The following KIAA0825 variants were observed in gnomAD, a reference collection of about 807,000 sequenced individuals.
KIAA0825 encodes the protein KIAA0825.
Under a neutral mutation model 147.6 loss-of-function variants are expected in KIAA0825, and 119 were observed. The ratio of observed to expected loss-of-function variants is 0.81; its 90% CI spans 0.69 to 0.94. KIAA0825 has a LOEUF of 0.94. Ranked by LOEUF, KIAA0825 falls within the 40% of genes least tolerant of loss-of-function variation. The pLI, the probability that KIAA0825 is intolerant of heterozygous loss-of-function variation, is 0.00. For missense variants in KIAA0825, 1,381 were observed against 1,472.7 expected (o/e 0.94, Z 1.02); for synonymous variants, 470 against 518.1 (o/e 0.91, Z 1.26).
At chr5:94,230,761 C>A (rs1433816713) in intron 20 of KIAA0825, among the ~76,000 whole-genome samples, 1 of 152,088 alleles carries the variant, frequency 6.6e-6, no homozygotes, top group African/African-American at 2.4e-5. Context: ...CCATGTAAAC[C>A]TACTGAGCTC....
intron 1 of KIAA0825, among the ~76,000 whole-genome samples, chr5:94,606,001 T>C (rs927038912): frequency 6.6e-6 from 1 of 152,198 alleles, no homozygotes; most frequent in African/African-American, 2.4e-5. Context: ...TGATTCTATA[T>C]CTAGAAAACC....
At chr5:94,499,783 T>C (rs1366368808) in intron 5 of KIAA0825, among the ~76,000 whole-genome samples, 1 of 152,218 alleles carries the variant, frequency 6.6e-6, no homozygotes, top group Non-Finnish European at 1.5e-5. Flanking sequence ...TCCTGTCATA[T>C]ATTAGGCAGT....
At chr5:94,493,940 A>G (rs1227661526) in intron 5 of KIAA0825, among the ~76,000 whole-genome samples, 2 of 152,142 alleles carry the variant, frequency 1.3e-5, no homozygotes, top group African/African-American at 4.8e-5. Context: ...CAACCCACTG[A>G]AAGGCCCCAC....
At chr5:94,279,961 G>A (rs908749359) in intron 20 of KIAA0825, among the ~76,000 whole-genome samples, 6 of 152,046 alleles carry the variant, frequency 3.9e-5, no homozygotes, top group African/African-American at 1.2e-4. Context: ...GTTTCAGGCC[G>A]AAAGGACAGC....
Position 94,332,735 on chromosome 5 carries a change from G to A in KIAA0825, c.3710+51633C>T, listed in dbSNP as rs367816396. Among the ~76,000 whole-genome samples the A allele has an allele frequency of 2.0e-5, 3 of 152,192 alleles. No homozygotes were observed. In the East Asian group the frequency reaches 5.8e-4, roughly 29 times the overall value. On this transcript the variant is annotated intron_variant, in intron 20 of 20. Coordinates refer to ENST00000682413, the MANE Select transcript of KIAA0825 (RefSeq NM_001145678.3). ...ATTAGAATGATTTATAATCCTTTGG[G>A]TATATACTCAGTAATGGGATTGCTG...
At chr5:94,537,444 G>C (rs1161780177) in intron 2 of KIAA0825, among the ~76,000 whole-genome samples, 1 of 152,068 alleles carries the variant, frequency 6.6e-6, no homozygotes. Context: ...GAGGTCAGGA[G>C]ATTGAGACCA....
At chr5:94,231,272 C>T (rs1280281015) in intron 20 of KIAA0825, among the ~76,000 whole-genome samples, 1 of 152,058 alleles carries the variant, frequency 6.6e-6, no homozygotes, top group African/African-American at 2.4e-5. Context: ...TCCATATGGG[C>T]TCATTTCTCA....
At chr5:94,590,607 AG>A (rs1240492276) in intron 1 of KIAA0825, among the ~76,000 whole-genome samples, 1 of 152,216 alleles carries the variant, frequency 6.6e-6, no homozygotes, top group Non-Finnish European at 1.5e-5. Flanking sequence ...TGAAATCACA[AG>A]GTTTCTTGTA....
At chr5:94,298,511 C>T (rs971492143) in intron 20 of KIAA0825, among the ~76,000 whole-genome samples, 5 of 152,184 alleles carry the variant, frequency 3.3e-5, no homozygotes, top group Non-Finnish European at 7.4e-5. Context: ...TTGTGTGGGA[C>T]GTAAGCACTC....
chr5:94,306,955 A>C (rs1008089219), intron 20 of KIAA0825, among the ~76,000 whole-genome samples: 4 of 152,000 alleles, frequency 2.6e-5, no homozygotes, highest in Admixed American at 6.6e-5. Context: ...GAATAGGTAC[A>C]TGATGCGTAG....
At chr5:94,272,230 G>C (rs1232590518) in intron 20 of KIAA0825, among the ~76,000 whole-genome samples, 1 of 151,608 alleles carries the variant, frequency 6.6e-6, no homozygotes. Context: ...GATGGTTAAT[G>C]GGCACAAAAA....
chr5:94,218,117 C>A (rs554248426), intron 20 of KIAA0825, among the ~76,000 whole-genome samples: 1 of 152,186 alleles, frequency 6.6e-6, no homozygotes, highest in South Asian at 2.1e-4. Flanking sequence ...TGTGGGCTTA[C>A]CATGAAAGCC....
chr5:94,391,515 T>C lies in KIAA0825; in HGVS notation c.3456+20A>G, dbSNP rs747020377. ...GGCCAGTACACACCTAATTGCTCGA[T>C]AAAAAGGCCGTTTCCCTACCTCATT... On this transcript the variant is annotated intron_variant, in intron 18 of 20. Coordinates refer to ENST00000682413, the MANE Select transcript of KIAA0825 (RefSeq NM_001145678.3). 33 of 1,551,284 alleles carry C rather than the reference T, an allele frequency of 2.1e-5. No individual in the cohort carries two copies. The highest frequency in any genetic ancestry group is 1.3e-4 in the South Asian group (11 of 84,024).
rs141021788 is a variant in KIAA0825 at position 94,467,532 on chromosome 5, A to T, written c.1872+2429T>A. Among the ~76,000 whole-genome samples the T allele has an allele frequency of 5.9e-5, 9 of 152,310 alleles. No individual in the cohort carries two copies. In the East Asian group the frequency reaches 1.7e-3, roughly 29 times the overall value. ...AACCATCCTAAAAGCTTAATTTTAA[A>T]CATGTAATCTGAACACCCACTGTGC... On this transcript the variant is annotated intron_variant, in intron 10 of 20. Coordinates refer to ENST00000682413, the MANE Select transcript of KIAA0825 (RefSeq NM_001145678.3).
intron 20 of KIAA0825, among the ~76,000 whole-genome samples, chr5:94,366,739 C>T (rs926207356): frequency 6.6e-6 from 1 of 152,180 alleles, no homozygotes; most frequent in African/African-American, 2.4e-5. Context: ...AAGAAAATAG[C>T]ACTTGGACAT....
At chr5:94,199,114 A>C (rs1344556881) in intron 20 of KIAA0825, among the ~76,000 whole-genome samples, 1 of 151,702 alleles carries the variant, frequency 6.6e-6, no homozygotes, top group Non-Finnish European at 1.5e-5. Flanking sequence ...GTAAGAAGAC[A>C]CTCTCGCTTT....
intron 14 of KIAA0825, among the ~76,000 whole-genome samples, chr5:94,420,501 T>C (rs1427333270): frequency 6.6e-6 from 1 of 152,176 alleles, no homozygotes; most frequent in Non-Finnish European, 1.5e-5. Context: ...TGGTAATGTA[T>C]TGCCTTAATG....
intron 20 of KIAA0825, among the ~76,000 whole-genome samples, chr5:94,218,273 C>G (rs1773376757): frequency 6.6e-6 from 1 of 152,106 alleles, no homozygotes; most frequent in African/African-American, 2.4e-5. Context: ...ACCTTTTTCT[C>G]ATGCTTTTCT....
chr5:94,470,552 G>T (rs1289023511), intron 9 of KIAA0825, among the ~76,000 whole-genome samples: 4 of 152,120 alleles, frequency 2.6e-5, no homozygotes, highest in African/African-American at 9.7e-5. Flanking sequence ...TAATTTTGTA[G>T]ATATCAATTA....
Sources: allele counts gnomAD v4.1 joint callset (sites outside exome capture counted in the v4.1 genomes callset), GRCh38; gene constraint gnomAD v4.1.1; transcripts MANE v1.5; gene names NCBI Gene and HGNC (gene_info 2026-07-23, HGNC 2026-07-21).